ZNF273: variants seen among roughly 807,000 people sequenced by gnomAD.
ZNF273 encodes the protein zinc finger protein 9.
Under a neutral mutation model 14.9 loss-of-function variants are expected in ZNF273, and 11 were observed. The observed-to-expected ratio is 0.74, with a 90% CI of 0.46 to 1.22. The LOEUF (loss-of-function observed/expected upper bound fraction) is 1.22. Among genes scored for constraint, ZNF273 ranks in the 50% most tolerant of loss-of-function variants. ZNF273 has a pLI of 0.00. For synonymous variants in ZNF273, 199 were observed against 223.9 expected (o/e 0.89, Z 0.99); for missense variants, 577 against 660.6 (o/e 0.87, Z 1.39).
At chr7:64,933,704 A>G (rs1345932201), downstream of ZNF273, 1 of 152,224 alleles carries the variant, frequency 6.6e-6, no homozygotes, top group Non-Finnish European at 1.5e-5. Context: ...TATGAAACAG[A>G]CACAGTATTT....
At chr7:64,882,037 T>G (rs1583949085), downstream of ZNF273, among the ~76,000 whole-genome samples, 1 of 152,310 alleles carries the variant, frequency 6.6e-6, no homozygotes, top group Admixed American at 6.5e-5. Flanking sequence ...TCGTGGTTCC[T>G]GCTTCTCCCA....
the ZNF273 span, among the ~76,000 whole-genome samples, chr7:64,937,316 T>C: frequency 6.6e-6 from 1 of 152,238 alleles, no homozygotes; most frequent in African/African-American, 2.4e-5. Context: ...CAAATGTGTC[T>C]TCTCTGCATC....
chr7:64,916,208 C>G (rs546535129), intron 1 of ZNF273, among the ~76,000 whole-genome samples: 2 of 151,708 alleles, frequency 1.3e-5, no homozygotes, highest in African/African-American at 2.4e-5. Context: ...GAAAACTGCT[C>G]TCTACGGTGT....
downstream of ZNF273, chr7:64,893,836 C>T (rs1792201662): frequency 6.5e-6 from 1 of 153,852 alleles, no homozygotes; most frequent in African/African-American, 2.4e-5. Context: ...TAAATACCGT[C>T]CTAGTCACTA....
intron 1 of ZNF273, among the ~76,000 whole-genome samples, chr7:64,912,826 G>GTTTTGTTTTTTGTTT (rs746174998): frequency 2.5e-4 from 9 of 36,576 alleles, no homozygotes; most frequent in South Asian, 1.3e-3. Context: ...ATTCATTTTA[G>GTTTTGTTTTTTGTTT]TTTTTTTTTT....
chr7:64,915,377 G>A, intron 1 of ZNF273, among the ~76,000 whole-genome samples: 1 of 152,190 alleles, frequency 6.6e-6, no homozygotes, highest in East Asian at 1.9e-4. Context: ...AGCCTTCAGA[G>A]CTTAGAGCCT....
At chr7:64,889,078 C>T (rs928090507), downstream of ZNF273, 7 of 985,844 alleles carry the variant, frequency 7.1e-6, no homozygotes, top group East Asian at 6.8e-4. The surrounding 1 kb of genome is among the most constrained non-coding windows in gnomAD (Gnocchi z 4.2). Flanking sequence ...AGAGCGCAGC[C>T]GTTTTGCGGA....
chr7:64,883,019 G>A (rs1039191372), downstream of ZNF273, among the ~76,000 whole-genome samples: 2 of 152,222 alleles, frequency 1.3e-5, no homozygotes, highest in African/African-American at 4.8e-5. Flanking sequence ...GTGCGTGAAG[G>A]CGGCGTCCGC....
chr7:64,923,575 C>A, intron 3 of ZNF273: 2 of 327,034 alleles, frequency 6.1e-6, no homozygotes, highest in South Asian at 2.3e-5. Flanking sequence ...CGCCTGACCT[C>A]GTGTGATCCG....
At chr7:64,921,637 T>TTTTTTTTTTTTTTTTTTTG (rs750737426) in intron 3 of ZNF273, among the ~76,000 whole-genome samples, 2 of 29,578 alleles carry the variant, frequency 6.8e-5, no homozygotes, top group African/African-American at 3.1e-4. Flanking sequence ...TTTTTTTTTT[T>TTTTTTTTTTTTTTTTTTTG]GTGTGTGAGA....
chr7:64,927,666 A>G lies in ZNF273; in HGVS notation c.338A>G (p.His113Arg), dbSNP rs1433536963. 3 of 1,568,906 alleles carry G rather than the reference A, an allele frequency of 1.9e-6. No homozygotes were observed. Among genetic ancestry groups the G allele is most frequent in the Non-Finnish European group, 2.6e-6 (3 of 1,162,918 alleles). ...MVAKPPVVCS[H>R]FAQDLWPKQG... ...TTATTTCTTTCAGTTGTGTGTTCTCATTTTGCCCAAGACCTTTGGCCAAAG... is the reference window on the plus strand; with the variant it reads ...TTATTTCTTTCAGTTGTGTGTTCTCGTTTTGCCCAAGACCTTTGGCCAAAG... Residue 113 changes from histidine to arginine, a missense_variant, in exon 4 of 4, where the codon CAT becomes CGT. His to Arg is a conservative substitution (Grantham distance 29). Around this residue, in one of 3 missense-constraint regions of ZNF273, gnomAD observed 162 missense variants for 203.5 expected, o/e 0.80. Coordinates refer to ENST00000476120, the MANE Select transcript of ZNF273 (RefSeq NM_021148.3).
chr7:64,894,027 C>T (rs985391561), downstream of ZNF273: 2 of 152,074 alleles, frequency 1.3e-5, no homozygotes, highest in Middle Eastern at 3.2e-3. Context: ...TTATTTGAGA[C>T]ATAGCCTTGC....
chr7:64,906,291 A>G (rs1199827800), intron 1 of ZNF273, among the ~76,000 whole-genome samples: 2 of 152,218 alleles, frequency 1.3e-5, no homozygotes, highest in Non-Finnish European at 2.9e-5. Context: ...GCTGAATTAT[A>G]TGGTAAAACT....
At chr7:64,935,932 T>A (rs4644117), downstream of ZNF273, among the ~76,000 whole-genome samples, 69,722 of 152,046 alleles carry the variant, frequency 0.46, 16,184 homozygotes, top group Admixed American at 0.51. Context: ...ATAATTGCCA[T>A]GCTTTTTGAA....
rs781257508 is a variant in ZNF273 at position 64,928,888 on chromosome 7, C to G, written c.1560C>G (p.Gly520=). Residue 520 remains glycine (G), a synonymous_variant, in exon 4 of 4, where the codon GGC becomes GGG. Transcript: ENST00000476120. Reference sequence around the variant, plus strand: ...AGCCCTACAAATGTGAAGAATGTGGCAAAGCTTTTAACCGGTCCTCAAACC... The same window carrying G: ...AGCCCTACAAATGTGAAGAATGTGGGAAAGCTTTTAACCGGTCCTCAAACC... ...GEKPYKCEEC[G]KAFNRSSNLT... 5.0e-6 allele frequency: 8 copies of G among 1,613,880 alleles called. No individual in the cohort carries two copies. The highest frequency in any genetic ancestry group is 4.5e-5 in the East Asian group (2 of 44,834).
intron 3 of ZNF273, among the ~76,000 whole-genome samples, chr7:64,918,832 C>T (rs1425617875): frequency 6.6e-6 from 1 of 151,746 alleles, no homozygotes; most frequent in Non-Finnish European, 1.5e-5. Flanking sequence ...GATTTTCCTT[C>T]AAGTTTATGG....
chr7:64,924,589 G>A (rs6460212), intron 3 of ZNF273, among the ~76,000 whole-genome samples: 57,928 of 151,910 alleles, frequency 0.38, 11,426 homozygotes, highest in South Asian at 0.44. Context: ...TTTAATGTCC[G>A]TACTTGTCTC....
downstream of ZNF273, among the ~76,000 whole-genome samples, chr7:64,890,585 C>G (rs368263880): frequency 5.3e-5 from 8 of 152,302 alleles, no homozygotes; most frequent in East Asian, 7.7e-4. Context: ...GCCACTGTCT[C>G]AGAGTCACAG....
Position 64,927,989 on chromosome 7 carries a change from C to G in ZNF273, c.661C>G (p.Leu221Val), listed in dbSNP as rs1794846085. The change falls in exon 4 of 4, where the codon CTA becomes GTA. Residue 221 changes from leucine (L) to valine (V), a missense_variant. By Grantham distance (32) the Leu-to-Val change is conservative (BLOSUM62 1). Transcript: ENST00000476120. Reference protein sequence around the residue: ...CGKSCCILSQLTQHKKTATRV... With the variant: ...CGKSCCILSQVTQHKKTATRV... The stretch of plus-strand genomic sequence containing the variant: ...CAAATCATGTTGCATACTTTCACAA[C>G]TAACTCAGCATAAGAAAACTGCTAC... 1 of 1,613,856 alleles carries G rather than the reference C, an allele frequency of 6.2e-7. No individual in the cohort carries two copies. The highest frequency in any genetic ancestry group is 1.1e-5 in the South Asian group (1 of 91,064).
Sources: allele counts gnomAD v4.1 joint callset (sites outside exome capture counted in the v4.1 genomes callset), GRCh38; gene constraint gnomAD v4.1.1; regional missense constraint gnomAD v4.1.1; non-coding constraint Gnocchi (gnomAD v3.1); transcripts MANE v1.5; gene names NCBI Gene and HGNC (gene_info 2026-07-23, HGNC 2026-07-21).